Variants in NEB observed in about 807,000 individuals in gnomAD.
NEB encodes nebulin.
A neutral mutation model predicts 952.2 loss-of-function variants in NEB; 512 were observed. The ratio of observed to expected loss-of-function variants is 0.54; its 90% CI spans 0.50 to 0.58. NEB has a LOEUF of 0.58. Ranked by LOEUF, NEB falls within the 20% of genes least tolerant of loss-of-function variation. The pLI, the probability that NEB is intolerant of heterozygous loss-of-function variation, is 0.00. For synonymous variants in NEB, 2,900 were observed against 3,149.8 expected (o/e 0.92, Z 2.66); for missense variants, 8,428 against 9,231.1 (o/e 0.91, Z 3.56).
Position 151,660,623 on chromosome 2 carries a change from T to C in NEB, c.5971-1454A>G, listed in dbSNP as rs190311687. On this transcript the variant is annotated intron_variant, in intron 46 of 181. Coordinates refer to ENST00000397345, the MANE Select transcript of NEB (RefSeq NM_001164508.2). The stretch of plus-strand genomic sequence containing the variant: ...TCTGGACTAGAGATTGGCAAACTTT[T>C]TCTGTATAGACAGAAATTCCTTAAA... Among the ~76,000 whole-genome samples the C allele has an allele frequency of 1.1e-3, 172 of 152,346 alleles. 1 individual carries two copies. The highest frequency in any genetic ancestry group is 3.8e-3 in the African/African-American group (158 of 41,584).
chr2:151,680,044 A>G (rs1285178139), intron 30 of NEB, 22 bp from the exon 31 acceptor site: 1 of 1,505,006 alleles, frequency 6.6e-7, no homozygotes, highest in Non-Finnish European at 9.2e-7. Flanking sequence ...AAAAATGCAT[A>G]AACAAACAAA....
chr2:151,631,312 C>T lies in NEB; in HGVS notation c.9449G>A (p.Gly3150Asp), dbSNP rs967318502. ...IYKSDLQWLR[G>D]IGWVPIGSMD... ...AGACCCAATGGGGACCCAGCCAATG[C>T]CTCTCAGCCACTGGAGATCTGACTT... The change falls in exon 66 of 182, where the codon GGC (glycine) becomes GAC (aspartate). Residue 3150 changes from glycine to aspartate, a missense_variant. By Grantham distance (94) the Gly-to-Asp change is moderately conservative. Coordinates refer to ENST00000397345, the MANE Select transcript of NEB (RefSeq NM_001164508.2). The T allele has an allele frequency of 6.2e-6, 10 of 1,613,802 alleles. No homozygotes were observed. The highest frequency in any genetic ancestry group is 2.2e-5 in the South Asian group (2 of 91,076).
chr2:151,701,241 T>C (rs1312508889), intron 13 of NEB, among the ~76,000 whole-genome samples: 1 of 147,266 alleles, frequency 6.8e-6, no homozygotes, highest in East Asian at 2.0e-4. Context: ...GATAAGCTTT[T>C]TGATGTGCTG....
In NEB at chr2:151,497,051, AACC is replaced by A; in HGVS notation, c.24301-21_24301-19del. On this transcript the variant is annotated intron_variant, in intron 171 of 181. Coordinates refer to ENST00000397345, the MANE Select transcript of NEB (RefSeq NM_001164508.2). ...TATAACACCTGTGCGATAAGAAAGC[AACC>A]AGAAAAACAACCATGAGTAACATTT... 1.9e-6 allele frequency: 3 copies of A among 1,555,768 alleles called. No individual in the cohort carries two copies. Among genetic ancestry groups the A allele is most frequent in the Non-Finnish European group, 2.6e-6 (3 of 1,147,800 alleles).
intron 124 of NEB, among the ~76,000 whole-genome samples, chr2:151,559,253 G>A (rs988904785): frequency 1.3e-5 from 2 of 152,092 alleles, no homozygotes; most frequent in African/African-American, 2.4e-5. Flanking sequence ...ACCATCTCAC[G>A]CCAGTTAGAA....
chr2:151,535,412 A>G (rs752103155), intron 142 of NEB, among the ~76,000 whole-genome samples: 38 of 152,280 alleles, frequency 2.5e-4, no homozygotes, highest in Non-Finnish European at 5.0e-4. Context: ...CCTGCCTGGT[A>G]TTGTCACCCG....
At chr2:151,627,354 T>G in intron 69 of NEB, 149 bp from the exon 70 acceptor site, 1 of 1,368,142 alleles carries the variant, frequency 7.3e-7, no homozygotes, top group Non-Finnish European at 9.9e-7. Flanking sequence ...CAGTCTCAGG[T>G]ATTACTTTCT....
At chr2:151,575,925 G>A in intron 106 of NEB, 126 bp from the exon 107 acceptor site, 1 of 802,742 alleles carries the variant, frequency 1.2e-6, no homozygotes, top group Non-Finnish European at 2.1e-6. Context: ...AAAGATTTCT[G>A]GAATCTTTTC....
intron 19 of NEB, 36 bp from the exon 20 acceptor site, chr2:151,694,472 G>C (rs750872866): frequency 6.2e-7 from 1 of 1,612,944 alleles, no homozygotes; most frequent in East Asian, 2.2e-5. Context: ...TTCCACTCAA[G>C]AGGAAATGTC....
chr2:151,615,033 T>C (rs1279851559), intron 76 of NEB, among the ~76,000 whole-genome samples: 1 of 152,220 alleles, frequency 6.6e-6, no homozygotes, highest in Non-Finnish European at 1.5e-5. Context: ...AGGATATGTG[T>C]TACATTTAGA....
rs757360324 is a variant in NEB, at chr2:151,502,865, C to G, written c.23856G>C (p.Leu7952Phe). Residue 7952 changes from leucine to phenylalanine, a missense_variant, in exon 167 of 182, where the codon TTG (leucine) becomes TTC (phenylalanine). Transcript: ENST00000397345. Reference sequence around the variant, plus strand: ...TGATAGGTGTTGGGATTCCTTTCCCCAAATTTTCTTTGTACAAAACCTGTG... The same window carrying G: ...TGATAGGTGTTGGGATTCCTTTCCCGAAATTTTCTTTGTACAAAACCTGTG... ...NFSSVLYKEN[L>F]GKGIPTPITP... The G allele has an allele frequency of 6.2e-7, 1 of 1,601,428 alleles. No homozygotes were observed. Among genetic ancestry groups the G allele is most frequent in the Admixed American group, 1.7e-5 (1 of 58,710 alleles).
intron 169 of NEB, among the ~76,000 whole-genome samples, chr2:151,498,620 C>T (rs1036702119): frequency 2.6e-5 from 4 of 152,000 alleles, no homozygotes; most frequent in African/African-American, 9.7e-5. Context: ...ACTGAGCAAC[C>T]GTGAAAGAGC....
At chr2:151,565,241 TTAAAAC>T (rs1409029341) in intron 116 of NEB, 93 bp from the exon 117 acceptor site, 2 of 758,866 alleles carry the variant, frequency 2.6e-6, no homozygotes, top group Non-Finnish European at 4.2e-6. Flanking sequence ...CGTTTAAAGA[TTAAAAC>T]TAACCAACTG....
rs754876825 is a variant in NEB at position 151,614,630 on chromosome 2, T to C, written c.11290-43A>G. ...TGAGTATAATGACAAGAACATCTTA[T>C]ATAATCATGTTTCATAGGTTCACAT... is the stretch of plus-strand genomic sequence containing the variant. On this transcript the variant is annotated intron_variant, in intron 76 of 181. Coordinates refer to ENST00000397345, the MANE Select transcript of NEB (RefSeq NM_001164508.2). 20 of 1,549,746 alleles carry C rather than the reference T, an allele frequency of 1.3e-5. 1 individual carries two copies. Among genetic ancestry groups the C allele is most frequent in the Admixed American group, 5.2e-5 (3 of 57,888 alleles).
chr2:151,538,003 G>A (rs377109601), intron 139 of NEB, 27 bp from the exon 140 acceptor site: 16 of 1,587,362 alleles, frequency 1.0e-5, no homozygotes, highest in Admixed American at 1.7e-5. Context: ...AAAGACAGCT[G>A]TAAGTCTTAC....
At chr2:151,723,068 A>G (rs1051165431) in intron 9 of NEB, among the ~76,000 whole-genome samples, 31 of 152,126 alleles carry the variant, frequency 2.0e-4, no homozygotes, top group African/African-American at 7.5e-4. Context: ...GGAAAGAAGG[A>G]CTCATGCTCT....
intron 5 of NEB, 132 bp downstream of exon 5, chr2:151,727,559 T>C (rs548008163): frequency 3.8e-6 from 3 of 788,376 alleles, no homozygotes. Context: ...CAAGAGCCTA[T>C]AATTTGCAAA....
chr2:151,540,709 G>T lies in NEB; in HGVS notation c.20775C>A (p.Asp6925Glu). Reference sequence around the variant, plus strand: ...ATTCCCATCTTACCTCACTGACCATGTCCTTCACGTCTTTAGCATGCTTCA... The same window carrying T: ...ATTCCCATCTTACCTCACTGACCATTTCCTTCACGTCTTTAGCATGCTTCA... ...TALKHAKDVK[D>E]MVSEKKYKIQ... The change falls in exon 137 of 182, where the codon GAC becomes GAA. Residue 6925 changes from aspartate (D) to glutamate (E), a missense_variant. Physicochemically the swap from Asp to Glu is conservative, Grantham distance 45. Coordinates refer to ENST00000397345, the MANE Select transcript of NEB (RefSeq NM_001164508.2). 6.2e-7 allele frequency: 1 copy of T among 1,613,368 alleles called. No individual in the cohort carries two copies. The highest frequency in any genetic ancestry group is 8.5e-7 in the Non-Finnish European group (1 of 1,179,452).
chr2:151,642,386 T>C (rs1333653092), intron 60 of NEB, among the ~76,000 whole-genome samples, 188 bp downstream of exon 60: 1 of 152,272 alleles, frequency 6.6e-6, no homozygotes, highest in African/African-American at 2.4e-5. Flanking sequence ...TGCTATGGAC[T>C]CAACAATAAC....
Sources: allele counts gnomAD v4.1 joint callset (sites outside exome capture counted in the v4.1 genomes callset), GRCh38; gene constraint gnomAD v4.1.1; transcripts MANE v1.5; gene names NCBI Gene and HGNC (gene_info 2026-07-23, HGNC 2026-07-21).